The following RBFOX3 variants were observed in gnomAD, a reference collection of about 807,000 sequenced individuals.
RBFOX3 encodes RNA binding protein fox-1 homolog 3.
In RBFOX3, 17 loss-of-function variants were observed where a neutral mutation model predicts 48.7. That is an observed-to-expected ratio of 0.35 (90% CI 0.24 to 0.52). The LOEUF (loss-of-function observed/expected upper bound fraction) is 0.52, where lower values mean the gene tolerates loss of function less well. Among genes scored for constraint, RBFOX3 ranks in the 20% least tolerant of loss-of-function variants. RBFOX3 has a pLI of 0.94. For synonymous variants in RBFOX3, 212 were observed against 209.5 expected, an observed-to-expected ratio of 1.01 and a Z score of -0.10; for missense variants, 382 against 497.5, an observed-to-expected ratio of 0.77 and a Z score of 2.21.
chr17:79,619,900 T>G, the RBFOX3 span, among the ~76,000 whole-genome samples: 1 of 152,158 alleles, frequency 6.6e-6, no homozygotes, highest in African/African-American at 2.4e-5. Flanking sequence ...AGTTCAGACC[T>G]ACCTTCTGGA....
chr17:79,663,684 C>T, the RBFOX3 span, among the ~76,000 whole-genome samples: 1 of 152,084 alleles, frequency 6.6e-6, no homozygotes, highest in Non-Finnish European at 1.5e-5. Context: ...TATTTGGCCC[C>T]CCTGACCCTC....
chr17:79,488,830 C>T (rs1268516443), intron 1 of RBFOX3, among the ~76,000 whole-genome samples: 5 of 152,122 alleles, frequency 3.3e-5, no homozygotes, highest in Non-Finnish European at 5.9e-5. Flanking sequence ...CCTAATACTC[C>T]GAGGAGTCAA....
chr17:79,231,988 C>G (rs1176998536), intron 4 of RBFOX3, among the ~76,000 whole-genome samples: 1 of 152,136 alleles, frequency 6.6e-6, no homozygotes, highest in Non-Finnish European at 1.5e-5. Context: ...ACAATCAGGG[C>G]GGAAGACACC....
chr17:79,440,006 C>A (rs1240151263), intron 2 of RBFOX3, among the ~76,000 whole-genome samples: 1 of 152,156 alleles, frequency 6.6e-6, no homozygotes, highest in Non-Finnish European at 1.5e-5. Flanking sequence ...GGGAGGGGAG[C>A]GTCCCTGTCA....
rs1044533031 is a variant in RBFOX3, at chr17:79,516,960, G to A, written c.-319-34362C>T. 2.5e-3 allele frequency among the ~76,000 whole-genome samples: 378 copies of A among 152,216 alleles called. 7 individuals carry two copies. The highest frequency in any genetic ancestry group is 0.011 in the South Asian group (55 of 4,814). ...AGACACAGAAGGTAGAATGGGGGTT[G>A]CTGGGCTGGGGATGGGAATGGGGAG... On this transcript the variant is annotated intron_variant, in intron 1 of 14. Transcript: ENST00000693108.
rs1339685645 is a variant in RBFOX3, at chr17:79,477,511, G to C, written c.-175+4943C>G. ...GCGGAGTTTGCAGTGAGCTGAGATC[G>C]CCCCATCGCACTCCAGCCTGGGCGA... On this transcript the variant is annotated intron_variant, in intron 2 of 14. Transcript: ENST00000693108. This position sits in a 1 kb window ranked among gnomAD's most constrained non-coding sequence, Gnocchi z 4.8. Among the ~76,000 whole-genome samples, 5 of 151,824 alleles carry C rather than the reference G, an allele frequency of 3.3e-5. No individual in the cohort carries two copies. The highest frequency in any genetic ancestry group is 2.1e-4 in the South Asian group (1 of 4,810).
rs1034216303 is a variant in RBFOX3 at position 79,325,059 on chromosome 17, C to G, written c.-174-17235G>C. Among the ~76,000 whole-genome samples, 6 of 152,362 alleles carry G rather than the reference C, an allele frequency of 3.9e-5. No individual in the cohort carries two copies. The East Asian group carries it at 9.6e-4, about 24-fold the overall frequency. On this transcript the variant is annotated intron_variant, in intron 2 of 14. Transcript: ENST00000693108. Reference sequence around the variant, plus strand: ...CCTTGATGACTCTCTAGAAAATGTCCAAGCCCTTCAAAAATGTTGAGGCCT... The same window carrying G: ...CCTTGATGACTCTCTAGAAAATGTCGAAGCCCTTCAAAAATGTTGAGGCCT...
intron 2 of RBFOX3, among the ~76,000 whole-genome samples, chr17:79,448,240 G>T (rs1300771311): frequency 6.6e-6 from 1 of 152,278 alleles, no homozygotes; most frequent in East Asian, 1.9e-4. Context: ...GGAAAACTGG[G>T]CAGAAGACTC....
intron 4 of RBFOX3, among the ~76,000 whole-genome samples, chr17:79,177,600 C>T (rs2050879016): frequency 6.6e-6 from 1 of 152,214 alleles, no homozygotes; most frequent in African/African-American, 2.4e-5. Flanking sequence ...CACACCCATG[C>T]TGCCCACCAA....
At chr17:79,393,199 C>T (rs929688380) in intron 2 of RBFOX3, among the ~76,000 whole-genome samples, 5 of 152,208 alleles carry the variant, frequency 3.3e-5, no homozygotes, top group African/African-American at 1.2e-4. Context: ...TTTATGGAGA[C>T]GGATTTGGGG....
intron 1 of RBFOX3, among the ~76,000 whole-genome samples, chr17:79,511,353 G>A (rs1370248072): frequency 6.6e-6 from 1 of 152,176 alleles, no homozygotes; most frequent in Non-Finnish European, 1.5e-5. Flanking sequence ...CCTTTTCAGT[G>A]CCTAATATGT....
intron 4 of RBFOX3, among the ~76,000 whole-genome samples, chr17:79,211,799 T>C (rs1313547426): frequency 1.3e-5 from 2 of 152,174 alleles, no homozygotes; most frequent in South Asian, 2.1e-4. Context: ...CACTGGTAAC[T>C]CTCCTCAAAG....
At chr17:79,125,076 G>A (rs1003033069) in intron 4 of RBFOX3, among the ~76,000 whole-genome samples, 7 of 152,184 alleles carry the variant, frequency 4.6e-5, no homozygotes, top group African/African-American at 1.4e-4. Flanking sequence ...ACCTCTAGAC[G>A]CCTCCTTGAA....
the RBFOX3 span, among the ~76,000 whole-genome samples, chr17:79,650,055 T>C: frequency 6.6e-6 from 1 of 152,124 alleles, no homozygotes; most frequent in African/African-American, 2.4e-5. Context: ...GGGGATTACA[T>C]TTCAACATGA....
intron 1 of RBFOX3, among the ~76,000 whole-genome samples, chr17:79,513,551 G>A (rs1368314198): frequency 1.3e-5 from 2 of 152,214 alleles, no homozygotes; most frequent in Admixed American, 1.3e-4. Context: ...CACAGTGGGG[G>A]CCTTTCTTGG....
intron 4 of RBFOX3, among the ~76,000 whole-genome samples, chr17:79,175,485 C>T (rs769144605): frequency 3.9e-5 from 6 of 152,242 alleles, no homozygotes; most frequent in Non-Finnish European, 5.9e-5. Flanking sequence ...GGGCACTGGC[C>T]GAGGGTGGGG....
intron 4 of RBFOX3, among the ~76,000 whole-genome samples, chr17:79,163,650 G>C (rs60843321): frequency 0.052 from 7,842 of 152,066 alleles, 255 homozygotes; most frequent in African/African-American, 0.078. Flanking sequence ...ACTGGGTGCA[G>C]AGCTGCCTGG....
chr17:79,572,493 A>C, intron 1 of RBFOX3, among the ~76,000 whole-genome samples: 1 of 148,444 alleles, frequency 6.7e-6, no homozygotes. Context: ...GACCCCTCCC[A>C]CCCCAGCTCT....
intron 1 of RBFOX3, among the ~76,000 whole-genome samples, chr17:79,561,261 G>T (rs993121502): frequency 2.6e-5 from 4 of 152,144 alleles, no homozygotes; most frequent in Non-Finnish European, 5.9e-5. Context: ...GTGCTCCAAG[G>T]GTTCAAAGGG....
Sources: gnomAD v4.1 joint callset for allele counts (sites outside exome capture counted in the v4.1 genomes callset) on GRCh38, gnomAD v4.1.1 for gene constraint, Gnocchi (gnomAD v3.1) non-coding constraint, MANE v1.5 for transcripts, NCBI Gene and HGNC (gene_info 2026-07-23, HGNC 2026-07-21) for gene names.